Variants in PLA2G4A observed in about 807,000 individuals in gnomAD.
PLA2G4A encodes phospholipase A2 group IVA, also known as cytosolic phospholipase A2.
In PLA2G4A, 40 loss-of-function variants were observed where a neutral mutation model predicts 81.9. That is an observed-to-expected ratio of 0.49 (90% confidence interval 0.38 to 0.64). PLA2G4A has a LOEUF of 0.64. Ranked by LOEUF, PLA2G4A falls within the 30% of genes least tolerant of loss-of-function variation. The pLI is 0.00. For synonymous variants in PLA2G4A, 302 were observed against 296.9 expected, an observed-to-expected ratio of 1.02 and a Z score of -0.18; for missense variants, 715 against 905.1, an observed-to-expected ratio of 0.79 and a Z score of 2.69.
At chr1:186,896,205 A>G (rs1654328067) in intron 5 of PLA2G4A, among the ~76,000 whole-genome samples, 1 of 152,220 alleles carries the variant, frequency 6.6e-6, no homozygotes. Context: ...GTGCACATGT[A>G]TACATACAGG....
chr1:186,886,232 G>A (rs1213064515), intron 3 of PLA2G4A, among the ~76,000 whole-genome samples: 1 of 152,122 alleles, frequency 6.6e-6, no homozygotes, highest in Non-Finnish European at 1.5e-5. Context: ...AAGCTTAAAT[G>A]ATAGATTAAT....
intron 3 of PLA2G4A, among the ~76,000 whole-genome samples, chr1:186,873,555 G>A (rs1278708970): frequency 4.6e-5 from 7 of 151,840 alleles, no homozygotes; most frequent in African/African-American, 9.7e-5. Flanking sequence ...CTTTCTCAAC[G>A]GTACCAAGAC....
At chr1:186,881,483 C>A (rs962143522) in intron 3 of PLA2G4A, among the ~76,000 whole-genome samples, 2 of 151,982 alleles carry the variant, frequency 1.3e-5, no homozygotes, top group Non-Finnish European at 2.9e-5. Flanking sequence ...CCCAGCAATT[C>A]CCAGGAATTG....
In PLA2G4A at chr1:186,876,893, C is replaced by G. The variant is rs1443398275; in HGVS notation, c.115+6377C>G. ...CAGCTTTATCTCTCCAATGTTGCAG[C>G]CTCAGTCCTCTCACCTGTAGGGCGA... On this transcript the variant is annotated intron_variant, in intron 3 of 17. Transcript: ENST00000367466. Among the ~76,000 whole-genome samples the G allele has an allele frequency of 2.0e-5, 3 of 152,188 alleles. No individual in the cohort carries two copies. The East Asian group carries it at 5.8e-4, about 29-fold the overall frequency.
chr1:186,871,232 T>C (rs1300579806), intron 3 of PLA2G4A, among the ~76,000 whole-genome samples: 3 of 152,170 alleles, frequency 2.0e-5, no homozygotes, highest in Admixed American at 6.6e-5. Context: ...TTGTTGACAG[T>C]ATCTTTCTCC....
At chr1:186,833,659 G>A (rs35180943) in intron 1 of PLA2G4A, among the ~76,000 whole-genome samples, 30,856 of 152,068 alleles carry the variant, frequency 0.2, 3,433 homozygotes, top group East Asian at 0.4. Flanking sequence ...CTTTTGCTAT[G>A]TGATTCTAAG....
At chr1:186,898,856 T>G (rs561664897) in intron 5 of PLA2G4A, among the ~76,000 whole-genome samples, 1 of 152,206 alleles carries the variant, frequency 6.6e-6, no homozygotes, top group African/African-American at 2.4e-5. Flanking sequence ...GTATAATAAA[T>G]GGACAGTGCA....
At chr1:186,864,712 G>A (rs2102048234) in intron 2 of PLA2G4A, among the ~76,000 whole-genome samples, 1 of 151,144 alleles carries the variant, frequency 6.6e-6, no homozygotes, top group East Asian at 1.9e-4. Context: ...CTGGATACCA[G>A]TCCCTATACT....
Sources: allele counts gnomAD v4.1 joint callset (sites outside exome capture counted in the v4.1 genomes callset), GRCh38; gene constraint gnomAD v4.1.1; transcripts MANE v1.5; gene names NCBI Gene and HGNC (gene_info 2026-07-23, HGNC 2026-07-21).